The following TATDN1 variants were observed in gnomAD, a reference collection of about 807,000 sequenced individuals.
The protein encoded by TATDN1 is TatD DNase domain containing 1, also known as deoxyribonuclease TATDN1.
Under a neutral mutation model 46.4 loss-of-function variants are expected in TATDN1, and 40 were observed. The ratio of observed to expected loss-of-function variants is 0.86; its 90% CI spans 0.67 to 1.12. TATDN1 has a LOEUF of 1.12. TATDN1 is among the 50% of genes most tolerant of loss of function. The pLI is 0.00. For synonymous variants in TATDN1, 95 were observed against 105.6 expected, an observed-to-expected ratio of 0.90 and a Z score of 0.62; for missense variants, 326 against 348.4, an observed-to-expected ratio of 0.94 and a Z score of 0.51.
chr8:124,502,117 G>A (rs1818017666), intron 9 of TATDN1, among the ~76,000 whole-genome samples: 2 of 152,222 alleles, frequency 1.3e-5, no homozygotes, highest in Admixed American at 6.5e-5. Context: ...GGCAGATCAC[G>A]AGGTCAGGAG....
At chr8:124,532,601 AG>A (rs1163386372) in intron 1 of TATDN1, among the ~76,000 whole-genome samples, 3 of 152,178 alleles carry the variant, frequency 2.0e-5, no homozygotes, top group African/African-American at 7.2e-5. Flanking sequence ...TGTTCTTAAT[AG>A]GTTGTCCAGA....
intron 10 of TATDN1, 175 bp from the exon 11 acceptor site, chr8:124,494,134 T>C: frequency 1.9e-6 from 1 of 531,964 alleles, no homozygotes; most frequent in Non-Finnish European, 3.1e-6. Context: ...TTGAATTGCA[T>C]CTTAAATACC....
chr8:124,507,587 G>A (rs1325548831), intron 8 of TATDN1, among the ~76,000 whole-genome samples: 4 of 152,038 alleles, frequency 2.6e-5, no homozygotes, highest in Non-Finnish European at 5.9e-5. Flanking sequence ...TTCGAGATCA[G>A]CCTAGGCAAC....
intron 3 of TATDN1, among the ~76,000 whole-genome samples, chr8:124,520,832 A>G (rs1190335936): frequency 6.6e-6 from 1 of 150,726 alleles, no homozygotes; most frequent in Non-Finnish European, 1.5e-5. Flanking sequence ...AGTCCCAGCT[A>G]CTCGGGAGGC....
intron 1 of TATDN1, among the ~76,000 whole-genome samples, chr8:124,529,394 C>G (rs1186809987): frequency 2.6e-5 from 4 of 152,116 alleles, no homozygotes; most frequent in Non-Finnish European, 5.9e-5. Context: ...CAACACAGAC[C>G]TTTTAGTTTA....
At chr8:124,537,965 T>C (rs370783912) in intron 1 of TATDN1, among the ~76,000 whole-genome samples, 2 of 152,162 alleles carry the variant, frequency 1.3e-5, no homozygotes, top group African/African-American at 4.8e-5. Context: ...AAAATACTGC[T>C]TAAATAACTC....
intron 6 of TATDN1, among the ~76,000 whole-genome samples, chr8:124,512,675 T>C (rs1156889554): frequency 1.3e-5 from 2 of 150,850 alleles, no homozygotes; most frequent in Non-Finnish European, 2.9e-5. Context: ...TATGGAACTG[T>C]CACATGAGTA....
intron 4 of TATDN1, 81 bp downstream of exon 4, chr8:124,518,737 T>G: frequency 1.0e-6 from 1 of 956,792 alleles, no homozygotes. Flanking sequence ...TCCATTGTAT[T>G]GTACCTGAAG....
At chr8:124,495,317 C>T (rs187448880) in intron 10 of TATDN1, 155 bp downstream of exon 10, 2 of 637,754 alleles carry the variant, frequency 3.1e-6, no homozygotes, top group Non-Finnish European at 5.4e-6. Flanking sequence ...CCATTAATAA[C>T]CCCCAAAGAT....
intron 6 of TATDN1, among the ~76,000 whole-genome samples, chr8:124,509,964 G>A (rs1303939375): frequency 1.3e-5 from 2 of 151,012 alleles, no homozygotes; most frequent in African/African-American, 4.9e-5. Flanking sequence ...CCCAGGGTCA[G>A]AGGTTGCAGT....
intron 1 of TATDN1, chr8:124,538,565 T>C (rs576420051): frequency 2.9e-4 from 56 of 192,048 alleles, no homozygotes; most frequent in African/African-American, 1.2e-3. Context: ...GTGCCCTGTG[T>C]TCCTAGGCCA....
At chr8:124,510,836 A>G (rs985438745) in intron 6 of TATDN1, among the ~76,000 whole-genome samples, 2 of 152,204 alleles carry the variant, frequency 1.3e-5, no homozygotes, top group Non-Finnish European at 2.9e-5. Context: ...AGAAAAAAGA[A>G]AAAGAAAATA....
chr8:124,491,824 T>C (rs1329847351), intron 11 of TATDN1, among the ~76,000 whole-genome samples: 1 of 152,212 alleles, frequency 6.6e-6, no homozygotes, highest in Non-Finnish European at 1.5e-5. Flanking sequence ...ACTTTGCAAG[T>C]AGCAATTAAC....
At chr8:124,509,527 T>G (rs1375692068) in intron 6 of TATDN1, among the ~76,000 whole-genome samples, 1 of 152,194 alleles carries the variant, frequency 6.6e-6, no homozygotes, top group East Asian at 1.9e-4. Flanking sequence ...AAATGGTAGG[T>G]TCAACTGAAT....
Position 124,539,039 on chromosome 8 carries a change from C to T in TATDN1, c.8G>A (p.Arg3His), listed in dbSNP as rs779190269. ...GCTCCTCTTACCGATAAACTTGAAGCGACTCATGACTGCGCATGGAGGACC... is the reference window on the plus strand; with the variant it reads ...GCTCCTCTTACCGATAAACTTGAAGTGACTCATGACTGCGCATGGAGGACC... MS[R>H]FKFIDIGINL... The change falls in exon 1 of 12, where the codon CGC (arginine) becomes CAC (histidine). Residue 3 changes from arginine to histidine, a missense_variant. Transcript: ENST00000276692. 2 of 1,613,842 alleles carry T rather than the reference C, an allele frequency of 1.2e-6. No homozygotes were observed. The highest frequency in any genetic ancestry group is 2.2e-5 in the South Asian group (2 of 91,088).
At chr8:124,526,132 A>T (rs1820478902) in intron 1 of TATDN1, among the ~76,000 whole-genome samples, 1 of 152,224 alleles carries the variant, frequency 6.6e-6, no homozygotes, top group Non-Finnish European at 1.5e-5. Flanking sequence ...TTATTTCTGT[A>T]AACCAATGAG....
chr8:124,536,121 T>C (rs533036938), intron 1 of TATDN1, among the ~76,000 whole-genome samples: 1 of 152,330 alleles, frequency 6.6e-6, no homozygotes, highest in Non-Finnish European at 1.5e-5. Flanking sequence ...TACTATGTAG[T>C]CTAAGATCAA....
intron 9 of TATDN1, among the ~76,000 whole-genome samples, chr8:124,501,237 C>A (rs184660544): frequency 2.7e-4 from 41 of 152,300 alleles, no homozygotes; most frequent in Non-Finnish European, 5.9e-5. Flanking sequence ...CAAACCCCTT[C>A]CCTCCACTGT....
intron 4 of TATDN1, among the ~76,000 whole-genome samples, chr8:124,517,854 A>G (rs1256106968): frequency 6.6e-6 from 1 of 152,208 alleles, no homozygotes; most frequent in Non-Finnish European, 1.5e-5. Context: ...GTTAAAAAAG[A>G]GTAAATAAAA....
Sources: allele counts gnomAD v4.1 joint callset (sites outside exome capture counted in the v4.1 genomes callset), GRCh38; gene constraint gnomAD v4.1.1; transcripts MANE v1.5; gene names NCBI Gene and HGNC (gene_info 2026-07-23, HGNC 2026-07-21).